PXDNL: variants seen among roughly 807,000 people sequenced by gnomAD.
PXDNL encodes peroxidasin like.
PXDNL carries 145 observed loss-of-function variants against 150.8 expected under a neutral mutation model. The ratio of observed to expected loss-of-function variants is 0.96; its 90% CI spans 0.84 to 1.10. PXDNL has a LOEUF of 1.10. Ranked by LOEUF, PXDNL falls within the 50% of genes least tolerant of loss-of-function variation. The pLI is 0.00. For synonymous variants in PXDNL, 757 were observed against 725.7 expected (o/e 1.04, Z -0.69); for missense variants, 2,087 against 1,873.9 (o/e 1.11, Z -2.10).
At chr8:51,603,791 T>C (rs1813779416) in intron 2 of PXDNL, among the ~76,000 whole-genome samples, 1 of 152,116 alleles carries the variant, frequency 6.6e-6, no homozygotes, top group South Asian at 2.1e-4. Context: ...CCCTTAATAA[T>C]TATGATAGTT....
At chr8:51,774,393 T>C (rs535343759) in intron 1 of PXDNL, among the ~76,000 whole-genome samples, 2 of 152,246 alleles carry the variant, frequency 1.3e-5, no homozygotes, top group Non-Finnish European at 2.9e-5. Context: ...CAGAGAAGTA[T>C]GCTCAGTGTT....
intron 1 of PXDNL, among the ~76,000 whole-genome samples, chr8:51,724,690 G>A (rs1404612825): frequency 6.6e-6 from 1 of 152,142 alleles, no homozygotes; most frequent in African/African-American, 2.4e-5. Context: ...CAGGCTTTGT[G>A]TGGGTCGCCC....
At chr8:51,687,736 T>C (rs1047084510) in intron 1 of PXDNL, among the ~76,000 whole-genome samples, 2 of 152,182 alleles carry the variant, frequency 1.3e-5, no homozygotes, top group African/African-American at 4.8e-5. Context: ...GTTATTGTAA[T>C]AAAGTATGAC....
At chr8:51,448,781 T>A (rs1404868816) in intron 11 of PXDNL, among the ~76,000 whole-genome samples, 3 of 152,052 alleles carry the variant, frequency 2.0e-5, no homozygotes, top group African/African-American at 7.2e-5. Flanking sequence ...GGAAACCGAG[T>A]CCCAGAGGGG....
intron 4 of PXDNL, among the ~76,000 whole-genome samples, chr8:51,528,366 A>AAAATGTTT (rs200635695): frequency 0.034 from 5,119 of 152,324 alleles, 252 homozygotes; most frequent in African/African-American, 0.12. Flanking sequence ...ATATATGTTT[A>AAAATGTTT]AAATGTTTAA....
At chr8:51,419,943 C>A (rs1199718977) in intron 14 of PXDNL, among the ~76,000 whole-genome samples, 1 of 152,140 alleles carries the variant, frequency 6.6e-6, no homozygotes, top group Non-Finnish European at 1.5e-5. Context: ...AAACTGTTTA[C>A]AAATCTATTA....
intron 4 of PXDNL, among the ~76,000 whole-genome samples, chr8:51,529,630 TAA>T (rs1248441047): frequency 2.6e-5 from 4 of 152,186 alleles, no homozygotes; most frequent in Non-Finnish European, 4.4e-5. Context: ...CCTTTGAATT[TAA>T]ATTGTATCCA....
rs756784524 is a variant in PXDNL, at chr8:51,556,831, A to G, written c.380+9T>C. The G allele has an allele frequency of 4.7e-6, 7 of 1,499,392 alleles. No homozygotes were observed. The highest frequency in any genetic ancestry group is 4.5e-5 in the South Asian group (4 of 88,298). The allele number at this position is 1,499,392 out of a possible 1,614,324, so 92.9% of individuals were successfully genotyped here. ...TGAGTGATTTAATAAAAAAGTTTCT[A>G]TTACTTACAGATGTTCCAAAGATAT... On this transcript the variant is annotated intron_variant, in intron 4 of 22. Transcript: ENST00000356297.
intron 17 of PXDNL, among the ~76,000 whole-genome samples, chr8:51,380,205 A>G (rs1197413343): frequency 1.3e-5 from 2 of 152,186 alleles, no homozygotes; most frequent in African/African-American, 4.8e-5. Flanking sequence ...AGTCAAAGCC[A>G]TCCTGGGCTG....
chr8:51,449,448 T>C (rs1809754850), intron 10 of PXDNL, among the ~76,000 whole-genome samples: 1 of 152,196 alleles, frequency 6.6e-6, no homozygotes. Context: ...AAGCTACAAA[T>C]TGTACTTTAA....
intron 1 of PXDNL, among the ~76,000 whole-genome samples, chr8:51,768,270 T>G (rs1172521935): frequency 7.2e-5 from 11 of 152,226 alleles, no homozygotes; most frequent in South Asian, 6.2e-4. Context: ...TTTTTTTTTT[T>G]TTGTTTTTGC....
chr8:51,608,313 C>T (rs1813911490), intron 2 of PXDNL, among the ~76,000 whole-genome samples: 1 of 142,534 alleles, frequency 7.0e-6, no homozygotes, highest in Non-Finnish European at 1.5e-5. Flanking sequence ...GGCGTGAACC[C>T]GGGAGGCGGA....
At chr8:51,802,979 A>C (rs917450451) in intron 1 of PXDNL, among the ~76,000 whole-genome samples, 9 of 152,268 alleles carry the variant, frequency 5.9e-5, no homozygotes, top group African/African-American at 2.2e-4. Context: ...AAGATGTCTA[A>C]GCAAAGGAAT....
chr8:51,441,135 T>A (rs1295025288), intron 12 of PXDNL, among the ~76,000 whole-genome samples: 2 of 152,092 alleles, frequency 1.3e-5, no homozygotes, highest in East Asian at 3.9e-4. Context: ...TCTCACGAGA[T>A]CTGATGGTTT....
intron 2 of PXDNL, among the ~76,000 whole-genome samples, chr8:51,608,138 C>T (rs958931225): frequency 6.8e-6 from 1 of 147,946 alleles, no homozygotes; most frequent in Non-Finnish European, 1.5e-5. Context: ...GCCTGTAATC[C>T]CAGCACTTTG....
chr8:51,620,748 T>C (rs1036548588), intron 2 of PXDNL, among the ~76,000 whole-genome samples: 6 of 152,170 alleles, frequency 3.9e-5, no homozygotes, highest in Non-Finnish European at 5.9e-5. Context: ...GGTTTCCTCG[T>C]GTTGCCCAGG....
rs146734062 is a variant in PXDNL, at chr8:51,517,137, G to A, written c.381-17367C>T. ...CTCTGATTGAATATTATATTTGCCC[G>A]GATAACTTTTTTAAAAAATCTAGAT... On this transcript the variant is annotated intron_variant, in intron 4 of 22. Transcript: ENST00000356297. Among the ~76,000 whole-genome samples the A allele has an allele frequency of 2.4e-4, 36 of 151,918 alleles. No individual in the cohort carries two copies. The East Asian group carries it at 2.7e-3, about 11-fold the overall frequency.
intron 4 of PXDNL, among the ~76,000 whole-genome samples, chr8:51,539,963 C>T (rs543871859): frequency 2.0e-5 from 3 of 150,632 alleles, no homozygotes; most frequent in African/African-American, 4.9e-5. Flanking sequence ...GACAGAGTCT[C>T]ACTCTGTCAA....
At chr8:51,719,026 G>A (rs943723985) in intron 1 of PXDNL, among the ~76,000 whole-genome samples, 6 of 151,900 alleles carry the variant, frequency 3.9e-5, no homozygotes, top group African/African-American at 1.5e-4. Flanking sequence ...CGCCCCGTCC[G>A]GGAGGGAGGC....
Sources: allele counts gnomAD v4.1 joint callset (sites outside exome capture counted in the v4.1 genomes callset), GRCh38; gene constraint gnomAD v4.1.1; transcripts MANE v1.5; gene names NCBI Gene and HGNC (gene_info 2026-07-23, HGNC 2026-07-21).